Variants in BICC1 observed in about 807,000 individuals in gnomAD.
The protein encoded by BICC1 is BicC family RNA binding protein 1, also known as protein bicaudal C homolog 1.
Under a neutral mutation model 111.0 loss-of-function variants are expected in BICC1, and 43 were observed. That is an observed-to-expected ratio of 0.39 (90% CI 0.30 to 0.50). BICC1 has a LOEUF of 0.50. BICC1 is among the 20% of genes least tolerant of loss of function. BICC1 has a pLI of 0.88. For missense variants in BICC1, 1,091 were observed against 1,203.2 expected (o/e 0.91, Z 1.38); for synonymous variants, 467 against 434.4 (o/e 1.07, Z -0.93).
intron 3 of BICC1, among the ~76,000 whole-genome samples, chr10:58,761,269 G>A (rs988031128): frequency 6.6e-6 from 1 of 152,172 alleles, no homozygotes; most frequent in African/African-American, 2.4e-5. Flanking sequence ...AAAAGGAGCC[G>A]AGTGCGGCTG....
At chr10:58,541,103 C>T (rs1422904028) in intron 1 of BICC1, among the ~76,000 whole-genome samples, 2 of 152,076 alleles carry the variant, frequency 1.3e-5, no homozygotes, top group Non-Finnish European at 2.9e-5. Flanking sequence ...ACATCATACT[C>T]AGTGGTGAAA....
At chr10:58,677,963 A>G (rs1839395511) in intron 2 of BICC1, among the ~76,000 whole-genome samples, 1 of 152,218 alleles carries the variant, frequency 6.6e-6, no homozygotes, top group African/African-American at 2.4e-5. Context: ...GTGAGGGAGA[A>G]ATAAAATCCT....
chr10:58,613,074 C>T lies in BICC1; in HGVS notation c.191-7781C>T, dbSNP rs57569787. Among the ~76,000 whole-genome samples, 1,443 of 152,216 alleles carry T rather than the reference C, an allele frequency of 9.5e-3. 22 individuals carry two copies. The highest frequency in any genetic ancestry group is 0.033 in the African/African-American group (1,381 of 41,538). On this transcript the variant is annotated intron_variant, in intron 1 of 20. Transcript: ENST00000373886. ...AAATATGAAATAAAATATGGCAAAG[C>T]ATTGGAGAAATTATAATAAACATAA... is the stretch of plus-strand genomic sequence containing the variant.
rs753743528 is a variant in BICC1, at chr10:58,656,979, A to T, written c.237+36078A>T. 2.0e-5 allele frequency among the ~76,000 whole-genome samples: 3 copies of T among 152,136 alleles called. No individual in the cohort carries two copies. In the East Asian group the frequency reaches 5.8e-4, roughly 29 times the overall value. On this transcript the variant is annotated intron_variant, in intron 2 of 20. Transcript: ENST00000373886. The stretch of plus-strand genomic sequence containing the variant: ...TCTATTAGGAGATTGACAGTGACCC[A>T]GTCTGGGATTTGCTTGATTATTGAG...
At position 58,803,171 on chromosome 10, in the gene BICC1, A is replaced by G; in HGVS notation, c.2110A>G (p.Arg704Gly). Residue 704 changes from arginine to glycine, a missense_variant, in exon 15 of 21, where the codon AGG becomes GGG. Physicochemically the swap from Arg to Gly is moderately radical, Grantham distance 125. This residue lies in a region of BICC1 where 843 missense variants were observed against 900.8 expected (regional missense o/e 0.94). Coordinates refer to ENST00000373886, the MANE Select transcript of BICC1 (RefSeq NM_001080512.3). The part of the protein sequence containing the change: ...KAPGSERAAE[R>G]AAAAQQNSER... ...TCCAGGGAGTGAGCGCGCTGCAGAG[A>G]GGGCAGCAGCTGCCCAGCAAAACTC... 2.5e-6 allele frequency: 4 copies of G among 1,611,572 alleles called. No homozygotes were observed. Among genetic ancestry groups the G allele is most frequent in the Non-Finnish European group, 3.4e-6 (4 of 1,178,760 alleles).
intron 1 of BICC1, among the ~76,000 whole-genome samples, chr10:58,539,575 G>A (rs1321841732): frequency 6.6e-6 from 1 of 151,712 alleles, no homozygotes; most frequent in East Asian, 1.9e-4. Flanking sequence ...AATGATGAAA[G>A]GGCCAATTCA....
chr10:58,558,377 T>G (rs548964563), intron 1 of BICC1, among the ~76,000 whole-genome samples: 1 of 152,108 alleles, frequency 6.6e-6, no homozygotes. Flanking sequence ...GTTCCTCTAC[T>G]TAGAGAGACT....
chr10:58,795,984 T>C (rs1252234291), intron 9 of BICC1, among the ~76,000 whole-genome samples: 2 of 152,220 alleles, frequency 1.3e-5, no homozygotes, highest in African/African-American at 4.8e-5. Flanking sequence ...ATCCTCTTGC[T>C]GTCTCTTCAC....
intron 20 of BICC1, among the ~76,000 whole-genome samples, chr10:58,828,149 T>A (rs112853868): frequency 1.3e-5 from 2 of 152,124 alleles, no homozygotes; most frequent in Non-Finnish European, 2.9e-5. Flanking sequence ...AAGTTATACA[T>A]GGATTTTTGA....
intron 3 of BICC1, among the ~76,000 whole-genome samples, chr10:58,732,322 A>G (rs370115191): frequency 6.9e-6 from 1 of 143,950 alleles, no homozygotes; most frequent in African/African-American, 2.7e-5. Flanking sequence ...AGAAGAGGAG[A>G]GAGAGAGAGA....
intron 3 of BICC1, among the ~76,000 whole-genome samples, chr10:58,731,286 G>A (rs574087996): frequency 5.9e-4 from 90 of 152,210 alleles, no homozygotes; most frequent in Admixed American, 2.6e-3. Flanking sequence ...TCCTCAGCCC[G>A]GACTTCACTG....
chr10:58,824,201 A>G, intron 20 of BICC1: 1 of 598,150 alleles, frequency 1.7e-6, no homozygotes, highest in Non-Finnish European at 2.1e-6. Flanking sequence ...TGACCTTTCC[A>G]TCAAGCATGT....
rs1564517559 is a variant in BICC1, at chr10:58,621,941, G to GAATAC, written c.237+1044_237+1045insCAATA. Reference sequence around the variant, plus strand: ...GAATAGAATAGAATAGAATAGAATAGAATAGAATAGAATAGAATAGAATAG... The same window carrying GAATAC: ...GAATAGAATAGAATAGAATAGAATAGAATACAATAGAATAGAATAGAATAGAATAG... On this transcript the variant is annotated intron_variant, in intron 2 of 20. Transcript: ENST00000373886. 7.5e-5 allele frequency among the ~76,000 whole-genome samples: 2 copies of GAATAC among 26,830 alleles called. 1 individual carries two copies. Among genetic ancestry groups the GAATAC allele is most frequent in the African/African-American group, 3.9e-4 (2 of 5,124 alleles). 17.6% of individuals were successfully genotyped at this position (26,830 alleles called of 152,430 possible).
At chr10:58,592,060 A>G (rs1212353590) in intron 1 of BICC1, among the ~76,000 whole-genome samples, 3 of 152,322 alleles carry the variant, frequency 2.0e-5, no homozygotes, top group East Asian at 1.9e-4. Flanking sequence ...ATGTGATTTT[A>G]TAATGTTTTT....
chr10:58,696,471 T>G (rs1273048456), intron 2 of BICC1, among the ~76,000 whole-genome samples: 2 of 152,192 alleles, frequency 1.3e-5, no homozygotes, highest in Non-Finnish European at 1.5e-5. Context: ...ACCGTAAGAA[T>G]GAAGTTACAC....
At chr10:58,715,248 C>G (rs1840702666) in intron 3 of BICC1, among the ~76,000 whole-genome samples, 1 of 152,128 alleles carries the variant, frequency 6.6e-6, no homozygotes, top group African/African-American at 2.4e-5. Context: ...TGAGGAGTTA[C>G]ATTCCCTTTA....
intron 2 of BICC1, among the ~76,000 whole-genome samples, chr10:58,658,948 T>C (rs1314084101): frequency 6.6e-6 from 1 of 151,994 alleles, no homozygotes; most frequent in African/African-American, 2.4e-5. Context: ...TTCTGCACCC[T>C]CCCAGCAGAT....
At chr10:58,646,028 C>A (rs6481417) in intron 2 of BICC1, among the ~76,000 whole-genome samples, 150,325 of 152,168 alleles carry the variant, frequency 0.99, 74,276 homozygotes, top group Middle Eastern at 1. Context: ...CTGAAGAAAC[C>A]CTTGTTTTTC....
chr10:58,740,112 G>A (rs1172357802), intron 3 of BICC1, among the ~76,000 whole-genome samples: 2 of 152,142 alleles, frequency 1.3e-5, no homozygotes, highest in African/African-American at 2.4e-5. Flanking sequence ...TACTTCATAG[G>A]ATGGCTGTGG....
Sources: allele counts gnomAD v4.1 joint callset (sites outside exome capture counted in the v4.1 genomes callset), GRCh38; gene constraint gnomAD v4.1.1; regional missense constraint gnomAD v4.1.1; transcripts MANE v1.5; gene names NCBI Gene and HGNC (gene_info 2026-07-23, HGNC 2026-07-21).